The following C9orf72 variants were observed in gnomAD, a reference collection of about 807,000 sequenced individuals.
The protein encoded by C9orf72 is C9orf72-SMCR8 complex subunit.
A neutral mutation model predicts 51.6 loss-of-function variants in C9orf72; 44 were observed. That is an observed-to-expected ratio of 0.85 (90% CI 0.67 to 1.10). The LOEUF (loss-of-function observed/expected upper bound fraction) is 1.10, where lower values mean the gene tolerates loss of function less well. Among genes scored for constraint, C9orf72 ranks in the 50% least tolerant of loss-of-function variants. C9orf72 has a pLI of 0.00. For missense variants in C9orf72, 607 were observed against 570.6 expected (o/e 1.06, Z -0.65); for synonymous variants, 213 against 194.2 (o/e 1.10, Z -0.81).
chr9:27,548,300 G>C lies in C9orf72; in HGVS notation c.1382C>G (p.Ser461Cys), dbSNP rs1330780444. ...GTAGAAAGGTCTTCCAAAGATAAAA[G>C]AGTGTAGGCCTGGTTTAATTTTCTC... ...LAEKIKPGLHSFIFGRPFYTS... is the reference protein window; with the variant it reads ...LAEKIKPGLHCFIFGRPFYTS... The change falls in exon 11 of 11, where the codon TCT becomes TGT. Residue 461 changes from serine to cysteine, a missense_variant. Transcript: ENST00000380003. 1.2e-6 allele frequency: 2 copies of C among 1,613,196 alleles called. No homozygotes were observed. Among genetic ancestry groups the C allele is most frequent in the Non-Finnish European group, 1.7e-6 (2 of 1,179,440 alleles).
chr9:27,561,243 C>T (rs761917781), intron 5 of C9orf72: 88 of 1,062,122 alleles, frequency 8.3e-5, no homozygotes, highest in South Asian at 2.2e-4. Context: ...TTTTGTTCTA[C>T]GCCTAAATAA....
At chr9:27,567,328 A>T (rs1819493031) in intron 1 of C9orf72, among the ~76,000 whole-genome samples, 164 bp from the exon 2 acceptor site, 1 of 152,244 alleles carries the variant, frequency 6.6e-6, no homozygotes, top group African/African-American at 2.4e-5. Flanking sequence ...CAGTAGGTGC[A>T]CATTAAATGT....
At chr9:27,558,118 C>T (rs1459751158) in intron 7 of C9orf72, among the ~76,000 whole-genome samples, 1 of 149,270 alleles carries the variant, frequency 6.7e-6, no homozygotes. Flanking sequence ...TTGCTTAAAT[C>T]CTATAAGCTT....
At position 27,550,187 on chromosome 9, in the gene C9orf72, T is replaced by A. The variant is rs1200036336; in HGVS notation, c.1149+463A>T. Among the ~76,000 whole-genome samples the A allele has an allele frequency of 2.3e-4, 34 of 150,792 alleles. No individual in the cohort carries two copies. In the Admixed American group the frequency reaches 2.3e-3, roughly 10 times the overall value. ...TGTATATATGCTCGTACTATATATA[T>A]ATACACACACAAACATATATATATA... On this transcript the variant is annotated intron_variant, in intron 9 of 10. Transcript: ENST00000380003.
Position 27,561,656 on chromosome 9 carries a change from T to C in C9orf72, c.601-7A>G. The C allele has an allele frequency of 1.9e-6, 3 of 1,562,810 alleles. No individual in the cohort carries two copies. The highest frequency in any genetic ancestry group is 2.3e-5 in the East Asian group (1 of 44,316). Reference sequence around the variant, plus strand: ...TGAGTACTGTATCAGCTATCTAAAATGCATCAAAAAATAAAAAAATTAGTC... The same window carrying C: ...TGAGTACTGTATCAGCTATCTAAAACGCATCAAAAAATAAAAAAATTAGTC... On this transcript the variant is annotated splice_region_variant and splice_polypyrimidine_tract_variant and intron_variant, in intron 4 of 10. Transcript: ENST00000380003.
chr9:27,554,054 T>C (rs574325181), intron 8 of C9orf72, among the ~76,000 whole-genome samples: 2 of 152,204 alleles, frequency 1.3e-5, no homozygotes, highest in African/African-American at 4.8e-5. Context: ...GGAACACTTA[T>C]ACACTGCTGG....
intron 1 of C9orf72, among the ~76,000 whole-genome samples, chr9:27,570,879 C>T (rs1231808523): frequency 1.3e-5 from 2 of 151,636 alleles, no homozygotes; most frequent in Non-Finnish European, 2.9e-5. Flanking sequence ...AAGAAAAAAA[C>T]AAACAAACAA....
intron 1 of C9orf72, among the ~76,000 whole-genome samples, chr9:27,570,893 A>C (rs142274910): frequency 2.0e-5 from 3 of 152,052 alleles, no homozygotes; most frequent in African/African-American, 4.8e-5. Context: ...CAAACAAACA[A>C]ACAAAAAGAA....
intron 2 of C9orf72, 25 bp downstream of exon 2, chr9:27,566,652 A>T: frequency 6.6e-7 from 1 of 1,513,428 alleles, no homozygotes; most frequent in Non-Finnish European, 9.0e-7. Context: ...GGTTAACATG[A>T]TTAATAAGCT....
rs11292923 is a variant in C9orf72 at position 27,548,435 on chromosome 9, GAAA to G, written c.1260-16_1260-14del. 57,874 of 173,110 alleles carry G rather than the reference GAAA, an allele frequency of 0.33. 4,455 individuals carry two copies. The highest frequency in any genetic ancestry group is 0.36 in the Non-Finnish European group (38,944 of 108,338). The allele number at this position is 173,110 out of a possible 1,614,324, so 10.7% of individuals were successfully genotyped here. ...TTTTCCCTTCTGCCTAAAAATAATG[GAAA>G]AAAAAAAAAAAAAAAAAAAAAAAGA... On this transcript the variant is annotated splice_polypyrimidine_tract_variant and intron_variant, in intron 10 of 10. Transcript: ENST00000380003.
chr9:27,550,587 G>A, intron 9 of C9orf72, 63 bp downstream of exon 9: 2 of 991,316 alleles, frequency 2.0e-6, no homozygotes, highest in East Asian at 4.9e-5. Context: ...GGCATTGTAG[G>A]ATATATTAAA....
At chr9:27,573,839 T>A (rs1196642943), upstream of C9orf72, 2 of 152,378 alleles carry the variant, frequency 1.3e-5, no homozygotes, top group East Asian at 3.9e-4. Flanking sequence ...CGCACCTCTC[T>A]TTCCTAGCGG....
chr9:27,553,195 C>T (rs1336795641), intron 8 of C9orf72, among the ~76,000 whole-genome samples: 2 of 152,118 alleles, frequency 1.3e-5, no homozygotes, highest in Admixed American at 6.6e-5. Context: ...CAATGATATC[C>T]TTCACAAAAC....
chr9:27,549,791 A>C (rs1000345009), intron 9 of C9orf72, among the ~76,000 whole-genome samples: 4 of 151,584 alleles, frequency 2.6e-5, no homozygotes, highest in Non-Finnish European at 4.4e-5. Flanking sequence ...AAAAAAAAAA[A>C]ACTTACTTGT....
In C9orf72 at chr9:27,548,332, AG is replaced by A. The variant is rs1563897622; in HGVS notation, c.1349del (p.Ala450ValfsTer29). 6.2e-7 allele frequency: 1 copy of A among 1,611,298 alleles called. No homozygotes were observed. The highest frequency in any genetic ancestry group is 8.5e-7 in the Non-Finnish European group (1 of 1,178,686). On this transcript the variant is annotated frameshift_variant, in exon 11 of 11. Transcript: ENST00000380003. LOFTEE classifies it high-confidence loss of function. ...TAEGDLNIIM[A>X]LAEKIKPGLH... ...GGCCTGGTTTAATTTTCTCAGCCAG[AG>A]CCATTATTATGTTAAGATCGCCCTC...
At position 27,572,291 on chromosome 9, in the gene C9orf72, G is replaced by A. The variant is rs763904706; in HGVS notation, c.-45+1140C>T. On this transcript the variant is annotated intron_variant, in intron 1 of 10. Transcript: ENST00000380003. Reference sequence around the variant, plus strand: ...ACTGATTCAGGGTTTTCCTAAAGTGGCAGGCCTTGGCAGAGGTGGTGACAA... The same window carrying A: ...ACTGATTCAGGGTTTTCCTAAAGTGACAGGCCTTGGCAGAGGTGGTGACAA... 9.2e-5 allele frequency among the ~76,000 whole-genome samples: 14 copies of A among 152,146 alleles called. 1 individual carries two copies. The highest frequency in any genetic ancestry group is 1.6e-4 in the Non-Finnish European group (11 of 68,042).
chr9:27,557,772 T>G (rs1044222872), intron 7 of C9orf72, among the ~76,000 whole-genome samples: 7 of 152,010 alleles, frequency 4.6e-5, no homozygotes, highest in Admixed American at 1.3e-4. Flanking sequence ...TTATTGAAAA[T>G]GCACAAAAGC....
rs545433336 is a variant in C9orf72, at chr9:27,558,537, G to A, written c.809C>T (p.Ser270Leu). 2.3e-5 allele frequency: 37 copies of A among 1,608,496 alleles called. 2 individuals are homozygous for A. In the South Asian group the frequency reaches 3.3e-4, roughly 14 times the overall value. Residue 270 changes from serine to leucine, a missense_variant, in exon 7 of 11, where the codon TCA (serine) becomes TTA (leucine). Ser to Leu is a moderately radical substitution (Grantham distance 145). Transcript: ENST00000380003. ...GAGCCCTGACTCATATTTAAATGATGATTCTGCTTCACATAACCTGGAGCA... is the reference window on the plus strand; with the variant it reads ...GAGCCCTGACTCATATTTAAATGATAATTCTGCTTCACATAACCTGGAGCA... ...RKCSRLCEAE[S>L]SFKYESGLFV...
chr9:27,556,407 T>C, intron 8 of C9orf72, 154 bp downstream of exon 8: 1 of 603,022 alleles, frequency 1.7e-6, no homozygotes, highest in South Asian at 2.1e-5. Flanking sequence ...GAAGAACATT[T>C]AAGAAAAAAA....
Sources: allele counts gnomAD v4.1 joint callset (sites outside exome capture counted in the v4.1 genomes callset), GRCh38; gene constraint gnomAD v4.1.1; transcripts MANE v1.5; gene names NCBI Gene and HGNC (gene_info 2026-07-23, HGNC 2026-07-21).